RAPGEF1: variants seen among roughly 807,000 people sequenced by gnomAD.
RAPGEF1 encodes CRK SH3-binding GNRP.
In RAPGEF1, 33 loss-of-function variants were observed where a neutral mutation model predicts 143.3. The ratio of observed to expected loss-of-function variants is 0.23; its 90% CI spans 0.17 to 0.31. The LOEUF (loss-of-function observed/expected upper bound fraction) is 0.31. Ranked by LOEUF, RAPGEF1 falls within the 10% of genes least tolerant of loss-of-function variation. The pLI is 1.00. For missense variants in RAPGEF1, 1,199 were observed against 1,645.4 expected (o/e 0.73, Z 4.69); for synonymous variants, 629 against 676.5 (o/e 0.93, Z 1.09).
intron 14 of RAPGEF1, among the ~76,000 whole-genome samples, chr9:131,602,879 C>T (rs1956490546): frequency 6.6e-6 from 1 of 152,208 alleles, no homozygotes; most frequent in African/African-American, 2.4e-5. Flanking sequence ...AGAACTGGGG[C>T]AGGACAAATA....
chr9:131,688,314 C>T (rs1177038678), intron 1 of RAPGEF1, among the ~76,000 whole-genome samples: 3 of 152,332 alleles, frequency 2.0e-5, no homozygotes, highest in East Asian at 1.9e-4. Context: ...CAATGGTTTA[C>T]ACTCTGGTGT....
At chr9:131,712,463 G>A (rs554875908) in intron 1 of RAPGEF1, among the ~76,000 whole-genome samples, 15 of 149,196 alleles carry the variant, frequency 1.0e-4, no homozygotes, top group Middle Eastern at 3.4e-3. Flanking sequence ...GGGTATGGGC[G>A]GCTGGGGCGC....
At chr9:131,660,208 A>G (rs1588858149) in intron 1 of RAPGEF1, among the ~76,000 whole-genome samples, 1 of 152,196 alleles carries the variant, frequency 6.6e-6, no homozygotes, top group East Asian at 1.9e-4. Flanking sequence ...AGGGAAAACA[A>G]TATTTGAAGT....
At position 131,614,140 on chromosome 9, in the gene RAPGEF1, AC is replaced by A. The variant is rs59952563; in HGVS notation, c.2061+4910del. ...GGGTCAGACCAGTGTGTGCACCAAC[AC>A]CCCCCCCCAAGGAGGGGCTGCCTTG... On this transcript the variant is annotated intron_variant, in intron 12 of 26. Coordinates refer to ENST00000683357, the MANE Select transcript of RAPGEF1 (RefSeq NM_001377935.1). 1.7e-3 allele frequency among the ~76,000 whole-genome samples: 241 copies of A among 142,724 alleles called. 1 individual carries two copies. The highest frequency in any genetic ancestry group is 5.6e-3 in the African/African-American group (211 of 37,798). The allele number at this position is 142,724 out of a possible 152,430, so 93.6% of individuals were successfully genotyped here.
At chr9:131,715,208 T>TGGGGG (rs1198642776) in intron 1 of RAPGEF1, among the ~76,000 whole-genome samples, 1 of 152,016 alleles carries the variant, frequency 6.6e-6, no homozygotes, top group Non-Finnish European at 1.5e-5. Context: ...ACACGGAGCT[T>TGGGGG]GGGGAGGGTC....
Position 131,587,719 on chromosome 9 carries a change from C to T in RAPGEF1, c.3233+17G>A, listed in dbSNP as rs766122506. On this transcript the variant is annotated intron_variant, in intron 22 of 26. Transcript: ENST00000683357. ...CACCATCCAGAGCAACAGGGCTTGGCGCTGGGCCTCTCTTACCAGTAGGAC... is the reference window on the plus strand; with the variant it reads ...CACCATCCAGAGCAACAGGGCTTGGTGCTGGGCCTCTCTTACCAGTAGGAC... 4.2e-5 allele frequency: 67 copies of T among 1,609,740 alleles called. No individual in the cohort carries two copies. The highest frequency in any genetic ancestry group is 8.0e-5 in the African/African-American group (6 of 75,012).
chr9:131,589,852 C>T (rs1244760384), intron 19 of RAPGEF1, 34 bp downstream of exon 19: 1 of 1,585,262 alleles, frequency 6.3e-7, no homozygotes, highest in Admixed American at 1.7e-5. Flanking sequence ...TGCCTCCCCA[C>T]TGGCCCCCAG....
At chr9:131,717,306 C>T (rs1454559086) in intron 1 of RAPGEF1, among the ~76,000 whole-genome samples, 1 of 152,178 alleles carries the variant, frequency 6.6e-6, no homozygotes, top group African/African-American at 2.4e-5. Flanking sequence ...GCTCCTCAAG[C>T]TTGTAAAAAT....
intron 1 of RAPGEF1, chr9:131,737,417 C>A: frequency 6.2e-7 from 1 of 1,613,890 alleles, no homozygotes; most frequent in Admixed American, 1.7e-5. Flanking sequence ...GTGTCCATGG[C>A]AGCACGGTCG....
At chr9:131,686,080 A>T (rs1371796764) in intron 1 of RAPGEF1, among the ~76,000 whole-genome samples, 3 of 152,206 alleles carry the variant, frequency 2.0e-5, no homozygotes. Flanking sequence ...TCTTTTTACA[A>T]CGTAGTACCT....
rs890933691 is a variant in RAPGEF1, at chr9:131,583,819, C to T, written c.3414+492G>A. On this transcript the variant is annotated intron_variant, in intron 24 of 26. Coordinates refer to ENST00000683357, the MANE Select transcript of RAPGEF1 (RefSeq NM_001377935.1). The surrounding 1 kb of genome is among the most constrained non-coding windows in gnomAD (Gnocchi z 4.7). ...CCTTTGTCCCCTTTGATTCTCTTCC[C>T]TTCCCAGGAAACTCCTCCTCCTCTG... Among the ~76,000 whole-genome samples, 18 of 152,222 alleles carry T rather than the reference C, an allele frequency of 1.2e-4. No individual in the cohort carries two copies. Among genetic ancestry groups the T allele is most frequent in the African/African-American group, 3.6e-4 (15 of 41,460 alleles).
chr9:131,650,087 AG>A lies in RAPGEF1; in HGVS notation c.315+41del. 6.7e-7 allele frequency: 1 copy of A among 1,502,172 alleles called. No homozygotes were observed. 93.1% of individuals were successfully genotyped at this position (1,502,172 alleles called of 1,614,324 possible). Reference sequence around the variant, plus strand: ...AAACCATGGACCAGGATTCTGCAGTAGAAGGCAAGGCAAACCCAATTGTTCT... The same window carrying A: ...AAACCATGGACCAGGATTCTGCAGTAAAGGCAAGGCAAACCCAATTGTTCT... On this transcript the variant is annotated intron_variant, in intron 3 of 26. Transcript: ENST00000683357. The surrounding 1 kb of genome is among the most constrained non-coding windows in gnomAD (Gnocchi z 4.7).
At chr9:131,704,069 G>A (rs918805773) in intron 1 of RAPGEF1, among the ~76,000 whole-genome samples, 1 of 152,000 alleles carries the variant, frequency 6.6e-6, no homozygotes, top group African/African-American at 2.4e-5. Flanking sequence ...TAGTGCTCAC[G>A]GTAGTCCTTC....
At chr9:131,730,624 G>GA (rs1204606289) in intron 1 of RAPGEF1, among the ~76,000 whole-genome samples, 1 of 119,976 alleles carries the variant, frequency 8.3e-6, no homozygotes, top group Non-Finnish European at 1.8e-5. Context: ...GAACCTGGGA[G>GA]GGGGAGGTTG....
chr9:131,630,152 C>CA, intron 6 of RAPGEF1, 84 bp downstream of exon 6: 1 of 1,300,092 alleles, frequency 7.7e-7, no homozygotes, highest in Non-Finnish European at 1.1e-6. Flanking sequence ...TCATGCTGCC[C>CA]ACCCCACCGG....
chr9:131,583,070 ACT>A lies in RAPGEF1; in HGVS notation c.3415-370_3415-369del, dbSNP rs1952126987. On this transcript the variant is annotated intron_variant, in intron 24 of 26. Coordinates refer to ENST00000683357, the MANE Select transcript of RAPGEF1 (RefSeq NM_001377935.1). The surrounding 1 kb of genome is among the most constrained non-coding windows in gnomAD (Gnocchi z 4.7). ...AGCCAGAGGAGCTTCCCAGGCACAC[ACT>A]GAGTGGCGTCACTCCTGACTCGGAG... is the stretch of plus-strand genomic sequence containing the variant. Among the ~76,000 whole-genome samples, 1 of 152,104 alleles carries A rather than the reference ACT, an allele frequency of 6.6e-6. No individual in the cohort carries two copies. Among genetic ancestry groups the A allele is most frequent in the Non-Finnish European group, 1.5e-5 (1 of 67,996 alleles).
chr9:131,604,698 T>C (rs894536948), intron 13 of RAPGEF1, among the ~76,000 whole-genome samples: 3 of 152,222 alleles, frequency 2.0e-5, no homozygotes, highest in Admixed American at 1.3e-4. Flanking sequence ...GAACTTTGTA[T>C]AGAAGAGTCA....
At chr9:131,634,693 A>G (rs1180113292) in intron 5 of RAPGEF1, among the ~76,000 whole-genome samples, 1 of 144,246 alleles carries the variant, frequency 6.9e-6, no homozygotes, top group Non-Finnish European at 1.5e-5. Context: ...AGCCTGGGCA[A>G]CAAGAGTGAG....
chr9:131,709,937 C>T (rs1409458486), intron 1 of RAPGEF1: 2 of 985,328 alleles, frequency 2.0e-6, no homozygotes, highest in African/African-American at 3.5e-5. Flanking sequence ...CGGTGCCTCT[C>T]AGGCATGGTC....
Sources: allele counts gnomAD v4.1 joint callset (sites outside exome capture counted in the v4.1 genomes callset), GRCh38; gene constraint gnomAD v4.1.1; non-coding constraint Gnocchi (gnomAD v3.1); transcripts MANE v1.5; gene names NCBI Gene and HGNC (gene_info 2026-07-23, HGNC 2026-07-21).